SHISA9: variants seen among roughly 807,000 people sequenced by gnomAD.
SHISA9 encodes shisa family member 9.
SHISA9 carries 13 observed loss-of-function variants against 38.0 expected under a neutral mutation model. The observed-to-expected ratio is 0.34, with a 90% CI of 0.22 to 0.54. The LOEUF is 0.54. SHISA9 is among the 20% of genes least tolerant of loss of function. The pLI, the probability that SHISA9 is intolerant of heterozygous loss-of-function variation, is 0.91. For synonymous variants in SHISA9, 275 were observed against 242.0 expected (o/e 1.14, Z -1.27); for missense variants, 538 against 575.8 (o/e 0.93, Z 0.67).
In SHISA9 at chr16:13,238,815, T is replaced by TTTTTTA. The variant is rs373980000; in HGVS notation, c.*3408_*3409insTTTATT. The TTTTTTA allele has an allele frequency of 8.1e-5, 11 of 136,148 alleles. No homozygotes were observed. The highest frequency in any genetic ancestry group is 1.3e-4 in the Non-Finnish European group (8 of 63,872). The allele number at this position is 136,148 out of a possible 1,614,324, so 8.4% of individuals were successfully genotyped here. ...TTTTTTTTAATGTATCCATGGAGTATTTATTATTATTATTATTATTATTAT... is the reference window on the plus strand; with the variant it reads ...TTTTTTTTAATGTATCCATGGAGTATTTTTTATTATTATTATTATTATTATTATTAT... On this transcript the variant is annotated 3_prime_UTR_variant, in exon 5 of 5. Coordinates refer to ENST00000558583, the MANE Select transcript of SHISA9 (RefSeq NM_001145204.3).
At chr16:13,002,954 G>A (rs531154220) in intron 2 of SHISA9, among the ~76,000 whole-genome samples, 2 of 152,248 alleles carry the variant, frequency 1.3e-5, no homozygotes, top group South Asian at 2.1e-4. Context: ...ATCTAAGAGG[G>A]ACACGAGGTT....
At chr16:13,366,463 C>T in the SHISA9 span, among the ~76,000 whole-genome samples, 17 of 152,290 alleles carry the variant, frequency 1.1e-4, no homozygotes, top group East Asian at 1.5e-3. Flanking sequence ...TTCAGTAGAT[C>T]TAGGGATACT....
intron 2 of SHISA9, among the ~76,000 whole-genome samples, chr16:13,196,003 G>A (rs1212855111): frequency 2.8e-5 from 4 of 144,006 alleles, no homozygotes; most frequent in East Asian, 2.1e-4. Flanking sequence ...CAGGAGAATC[G>A]CTTGAACCCG....
chr16:12,963,344 G>C (rs1461517999), intron 2 of SHISA9, among the ~76,000 whole-genome samples: 24 of 152,180 alleles, frequency 1.6e-4, no homozygotes, highest in Admixed American at 1.6e-3. Flanking sequence ...AAAGCTGGGG[G>C]CTGGAGACCA....
the SHISA9 span, among the ~76,000 whole-genome samples, chr16:13,553,805 T>C: frequency 6.6e-6 from 1 of 152,210 alleles, no homozygotes; most frequent in Non-Finnish European, 1.5e-5. Context: ...TAGCGCCAAT[T>C]AACTCCTTAC....
the SHISA9 span, among the ~76,000 whole-genome samples, chr16:13,398,112 C>T: frequency 3.3e-5 from 5 of 152,178 alleles, no homozygotes; most frequent in Admixed American, 2.0e-4. Flanking sequence ...CTAGTCCAGC[C>T]GCTTGTGTCT....
chr16:13,516,885 G>A, the SHISA9 span, among the ~76,000 whole-genome samples: 1 of 152,006 alleles, frequency 6.6e-6, no homozygotes, highest in East Asian at 1.9e-4. Context: ...AATGCATGCT[G>A]GTACACAGTA....
intron 2 of SHISA9, among the ~76,000 whole-genome samples, chr16:13,061,776 C>T (rs1596619925): frequency 6.6e-6 from 1 of 152,230 alleles, no homozygotes; most frequent in African/African-American, 2.4e-5. Flanking sequence ...AAACAAAAGG[C>T]CAACAGAATG....
intron 2 of SHISA9, among the ~76,000 whole-genome samples, chr16:13,189,091 C>T (rs1436242963): frequency 2.0e-5 from 3 of 152,232 alleles, no homozygotes; most frequent in Admixed American, 6.5e-5. Flanking sequence ...AAGGAACTAT[C>T]CCTGCTAATA....
intron 2 of SHISA9, among the ~76,000 whole-genome samples, chr16:13,141,146 C>T (rs1340365837): frequency 6.6e-6 from 1 of 152,146 alleles, no homozygotes; most frequent in Non-Finnish European, 1.5e-5. Flanking sequence ...ATTGACTTTG[C>T]ATATGGAATC....
At chr16:13,417,388 A>G in the SHISA9 span, among the ~76,000 whole-genome samples, 23 of 152,270 alleles carry the variant, frequency 1.5e-4, no homozygotes, top group African/African-American at 5.3e-4. Context: ...TGGAAAAAAA[A>G]AAATAAGCAG....
In SHISA9 at chr16:12,922,024, G is replaced by A. The variant is rs1247040453; in HGVS notation, c.691+5209G>A. Among the ~76,000 whole-genome samples the A allele has an allele frequency of 5.3e-5, 8 of 152,196 alleles. No individual in the cohort carries two copies. In the East Asian group the frequency reaches 1.5e-3, roughly 29 times the overall value. On this transcript the variant is annotated intron_variant, in intron 2 of 4. Coordinates refer to ENST00000558583, the MANE Select transcript of SHISA9 (RefSeq NM_001145204.3). ...AGGTGGCTTGTCTAAAGTTTGTATA[G>A]CTACTTAGTGGTGACACTGGGATTT...
At chr16:13,151,148 C>A (rs778348340) in intron 2 of SHISA9, among the ~76,000 whole-genome samples, 3 of 152,054 alleles carry the variant, frequency 2.0e-5, no homozygotes, top group Non-Finnish European at 2.9e-5. Context: ...GCTCTGTCAC[C>A]CAGGCTGGAG....
the SHISA9 span, among the ~76,000 whole-genome samples, chr16:13,411,663 A>G: frequency 6.6e-6 from 1 of 152,250 alleles, no homozygotes; most frequent in Non-Finnish European, 1.5e-5. Context: ...CAAGCAGCAG[A>G]ATAAATGAAG....
At chr16:13,079,018 G>A (rs1383954920) in intron 2 of SHISA9, among the ~76,000 whole-genome samples, 3 of 152,348 alleles carry the variant, frequency 2.0e-5, no homozygotes, top group African/African-American at 7.2e-5. Context: ...ATCTTGCTAA[G>A]TGACCCTGTG....
intron 2 of SHISA9, among the ~76,000 whole-genome samples, chr16:13,029,142 A>G (rs1267359881): frequency 6.6e-6 from 1 of 152,230 alleles, no homozygotes; most frequent in East Asian, 1.9e-4. Context: ...TACTGGGTAT[A>G]TACCCCAAAG....
At chr16:13,085,139 T>C (rs1470364879) in intron 2 of SHISA9, among the ~76,000 whole-genome samples, 1 of 152,184 alleles carries the variant, frequency 6.6e-6, no homozygotes, top group Admixed American at 6.5e-5. Context: ...TCCTTACCAA[T>C]ATGGTGGACT....
intron 3 of SHISA9, among the ~76,000 whole-genome samples, chr16:13,209,604 G>A (rs898161934): frequency 1.3e-5 from 2 of 152,182 alleles, no homozygotes; most frequent in African/African-American, 4.8e-5. Context: ...CCTTACTAAA[G>A]CAAAAATGTA....
At chr16:13,056,162 C>A (rs995613574) in intron 2 of SHISA9, among the ~76,000 whole-genome samples, 3 of 152,138 alleles carry the variant, frequency 2.0e-5, no homozygotes, top group East Asian at 1.9e-4. Context: ...AGGGGCCATG[C>A]GCTTAAATGG....
Sources: allele counts gnomAD v4.1 joint callset (sites outside exome capture counted in the v4.1 genomes callset), GRCh38; gene constraint gnomAD v4.1.1; transcripts MANE v1.5; gene names NCBI Gene and HGNC (gene_info 2026-07-23, HGNC 2026-07-21).